Variants in GRB10 observed in about 807,000 individuals in gnomAD.
GRB10 encodes growth factor receptor-bound protein 10.
Under a neutral mutation model 80.9 loss-of-function variants are expected in GRB10, and 20 were observed. The observed-to-expected ratio is 0.25, with a 90% confidence interval of 0.17 to 0.36. The LOEUF (loss-of-function observed/expected upper bound fraction) is 0.36. GRB10 is among the 10% of genes least tolerant of loss of function. The pLI is 1.00. For missense variants in GRB10, 548 were observed against 747.7 expected, an observed-to-expected ratio of 0.73 and a Z score of 3.12; for synonymous variants, 291 against 291.5, an observed-to-expected ratio of 1.00 and a Z score of 0.02.
At chr7:50,627,607 T>C (rs1438581219) in intron 7 of GRB10, among the ~76,000 whole-genome samples, 2 of 152,154 alleles carry the variant, frequency 1.3e-5, no homozygotes, top group African/African-American at 2.4e-5. Flanking sequence ...GCAAGCTTCA[T>C]TTGCCCGGTG....
Position 50,728,082 on chromosome 7 carries a change from C to A in GRB10, c.51+4190G>T, listed in dbSNP as rs540067375. On this transcript the variant is annotated intron_variant, in intron 4 of 18. Transcript: ENST00000401949. ...TAAATGTCCTATCAGCTGGAACAGT[C>A]AAATAAAATTTAAAGAGAGACATTT... Among the ~76,000 whole-genome samples, 2 of 152,136 alleles carry A rather than the reference C, an allele frequency of 1.3e-5. 1 individual carries two copies. The highest frequency in any genetic ancestry group is 4.1e-4 in the South Asian group (2 of 4,820).
At chr7:50,644,034 C>G (rs974303947) in intron 7 of GRB10, among the ~76,000 whole-genome samples, 6 of 152,192 alleles carry the variant, frequency 3.9e-5, no homozygotes, top group Non-Finnish European at 7.3e-5. Flanking sequence ...ACGATCACCC[C>G]AGAACATGAG....
intron 4 of GRB10, among the ~76,000 whole-genome samples, chr7:50,711,361 T>C (rs1432944399): frequency 6.6e-6 from 1 of 150,864 alleles, no homozygotes; most frequent in Non-Finnish European, 1.5e-5. Context: ...CAGAGCTCCC[T>C]GGGGCCTTCC....
chr7:50,741,290 T>C (rs926208779), intron 3 of GRB10, among the ~76,000 whole-genome samples: 1 of 152,164 alleles, frequency 6.6e-6, no homozygotes, highest in Non-Finnish European at 1.5e-5. Context: ...CAAATATTTA[T>C]AAACATTTGC....
intron 7 of GRB10, among the ~76,000 whole-genome samples, chr7:50,651,395 G>A (rs187163607): frequency 1.3e-5 from 2 of 152,290 alleles, no homozygotes; most frequent in East Asian, 1.9e-4. Context: ...AAGCATCACT[G>A]CAATCTCCAC....
intron 3 of GRB10, among the ~76,000 whole-genome samples, chr7:50,749,130 G>GTTTTTTTTTTTTTTTTTTTTTTTTT (rs71018483): frequency 7.2e-6 from 1 of 139,546 alleles, no homozygotes; most frequent in Non-Finnish European, 1.5e-5. Context: ...TTGTTTTTTT[G>GTTTTTTTTTTTTTTTTTTTTTTTTT]TTTGTTTTTT....
chr7:50,694,281 G>A (rs1373007115), intron 5 of GRB10, among the ~76,000 whole-genome samples: 3 of 152,184 alleles, frequency 2.0e-5, no homozygotes, highest in Non-Finnish European at 4.4e-5. Context: ...CCAAGATAGT[G>A]CCACTGCACT....
intron 4 of GRB10, among the ~76,000 whole-genome samples, chr7:50,724,307 A>G (rs897167898): frequency 6.6e-6 from 1 of 152,246 alleles, no homozygotes; most frequent in Non-Finnish European, 1.5e-5. Flanking sequence ...TCAAGCACGG[A>G]TACTTCACAA....
At chr7:50,685,143 T>C (rs940216438) in intron 5 of GRB10, among the ~76,000 whole-genome samples, 1 of 152,234 alleles carries the variant, frequency 6.6e-6, no homozygotes, top group Non-Finnish European at 1.5e-5. Context: ...TTAAAATCCA[T>C]TCATTTACCC....
In GRB10 at chr7:50,590,121, C is replaced by T. The variant is rs1178571148; in HGVS notation, c.*2831G>A. On this transcript the variant is annotated 3_prime_UTR_variant, in exon 19 of 19. Transcript: ENST00000401949. ...TAATTACAAGAAACAGAACATCAGTCCCTTATTTGTACAAAAATACCTGAA... is the reference window on the plus strand; with the variant it reads ...TAATTACAAGAAACAGAACATCAGTTCCTTATTTGTACAAAAATACCTGAA... 1 of 152,232 alleles carries T rather than the reference C, an allele frequency of 6.6e-6. No individual in the cohort carries two copies. The highest frequency in any genetic ancestry group is 1.5e-5 in the Non-Finnish European group (1 of 68,054). The allele number at this position is 152,232 out of a possible 1,614,324, so 9.4% of individuals were successfully genotyped here. A position where few individuals can be genotyped will look rare whatever the true frequency, so the allele number is the denominator to read the frequency against.
intron 3 of GRB10, among the ~76,000 whole-genome samples, chr7:50,736,388 A>G (rs1313031435): frequency 5.3e-5 from 8 of 152,266 alleles, no homozygotes; most frequent in African/African-American, 1.9e-4. Context: ...ACATACACCA[A>G]TGAAATAAAA....
intron 3 of GRB10, among the ~76,000 whole-genome samples, chr7:50,737,893 C>T (rs189324739): frequency 3.9e-5 from 6 of 152,210 alleles, no homozygotes; most frequent in African/African-American, 7.2e-5. Context: ...CAGACGAATG[C>T]AATAAAGAAT....
exon 1 of GRB10, chr7:50,793,393 A>G (rs1046074206): frequency 6.1e-5 from 9 of 147,522 alleles, no homozygotes; most frequent in Admixed American, 4.7e-4. Context: ...TTTGGGCTCC[A>G]CCGGGTCTCC....
intron 2 of GRB10, among the ~76,000 whole-genome samples, chr7:50,769,204 T>C (rs2076710741): frequency 6.6e-6 from 1 of 152,312 alleles, no homozygotes; most frequent in East Asian, 1.9e-4. Flanking sequence ...TCTCCGCAAT[T>C]TGAGCCATTG....
chr7:50,703,972 C>T, intron 4 of GRB10, 64 bp from the exon 5 acceptor site: 2 of 1,065,760 alleles, frequency 1.9e-6, no homozygotes, highest in Non-Finnish European at 2.9e-6. Context: ...CTCTTTTCAA[C>T]ACCCAGCTTC....
chr7:50,764,200 C>T (rs948441535), intron 2 of GRB10, among the ~76,000 whole-genome samples: 3 of 152,240 alleles, frequency 2.0e-5, no homozygotes, highest in African/African-American at 7.2e-5. Flanking sequence ...CCACCCTGTC[C>T]TGTCCCTGTC....
chr7:50,645,646 G>C, intron 7 of GRB10: 1 of 985,190 alleles, frequency 1.0e-6, no homozygotes, highest in Non-Finnish European at 1.2e-6. Context: ...GAGGTCTCCA[G>C]GCAGATCTGA....
chr7:50,699,400 T>G (rs2063855079), intron 5 of GRB10, among the ~76,000 whole-genome samples: 1 of 152,268 alleles, frequency 6.6e-6, no homozygotes, highest in African/African-American at 2.4e-5. Flanking sequence ...AAATGAATTT[T>G]AACAAGTTAA....
intron 7 of GRB10, among the ~76,000 whole-genome samples, chr7:50,631,833 C>G (rs1206329914): frequency 6.6e-6 from 1 of 152,202 alleles, no homozygotes; most frequent in African/African-American, 2.4e-5. Context: ...GGAGGTGGAG[C>G]TATTTCTGGA....
Sources: allele counts gnomAD v4.1 joint callset (sites outside exome capture counted in the v4.1 genomes callset), GRCh38; gene constraint gnomAD v4.1.1; transcripts MANE v1.5; gene names NCBI Gene and HGNC (gene_info 2026-07-23, HGNC 2026-07-21).